Variants in DKK2 observed in about 807,000 individuals in gnomAD.
The protein encoded by DKK2 is dickkopf Wnt signaling pathway inhibitor 2.
A neutral mutation model predicts 28.1 loss-of-function variants in DKK2; 11 were observed. The ratio of observed to expected loss-of-function variants is 0.39; its 90% CI spans 0.25 to 0.65. The LOEUF (loss-of-function observed/expected upper bound fraction) is 0.65. Ranked by LOEUF, DKK2 falls within the 30% of genes least tolerant of loss-of-function variation. The pLI, the probability that DKK2 is intolerant of heterozygous loss-of-function variation, is 0.47. For missense variants in DKK2, 326 were observed against 335.5 expected (o/e 0.97, Z 0.22); for synonymous variants, 135 against 126.5 (o/e 1.07, Z -0.45).
intron 1 of DKK2, among the ~76,000 whole-genome samples, chr4:107,014,463 G>A (rs777742108): frequency 8.6e-5 from 13 of 151,478 alleles, no homozygotes; most frequent in Non-Finnish European, 1.2e-4. Flanking sequence ...ATAGACTACA[G>A]TAGTGTTTAC....
intron 1 of DKK2, among the ~76,000 whole-genome samples, chr4:107,025,662 G>C (rs1379242951): frequency 2.0e-5 from 3 of 152,110 alleles, no homozygotes; most frequent in African/African-American, 4.8e-5. Context: ...TTCCAGCCAG[G>C]CTTCTTGTTA....
chr4:106,944,198 A>C (rs1227420016), intron 1 of DKK2, among the ~76,000 whole-genome samples: 1 of 152,054 alleles, frequency 6.6e-6, no homozygotes, highest in Non-Finnish European at 1.5e-5. Flanking sequence ...CTAACAAGTA[A>C]AGTACATTTT....
chr4:107,002,504 A>G (rs547043085), intron 1 of DKK2, among the ~76,000 whole-genome samples: 17 of 152,194 alleles, frequency 1.1e-4, no homozygotes, highest in Non-Finnish European at 2.1e-4. Context: ...TCAAAACGTG[A>G]ATGGAAAATG....
intron 1 of DKK2, among the ~76,000 whole-genome samples, chr4:106,963,245 T>C (rs1299828437): frequency 2.0e-5 from 3 of 150,666 alleles, no homozygotes; most frequent in African/African-American, 7.3e-5. Context: ...CCCAGCTACT[T>C]GGGAGTCTGA....
At chr4:106,959,051 T>TACTC (rs151082525) in intron 1 of DKK2, among the ~76,000 whole-genome samples, 9,313 of 152,084 alleles carry the variant, frequency 0.061, 300 homozygotes, top group Non-Finnish European at 0.074. Flanking sequence ...AGATATTAAA[T>TACTC]ACATATGTGT....
At chr4:106,942,377 T>C (rs1172525084) in intron 1 of DKK2, among the ~76,000 whole-genome samples, 2 of 152,172 alleles carry the variant, frequency 1.3e-5, no homozygotes, top group Admixed American at 6.6e-5. Context: ...TTTAAGTCAC[T>C]TTCCCTCCAT....
chr4:107,030,682 A>G (rs1043449584), intron 1 of DKK2, among the ~76,000 whole-genome samples: 2 of 152,054 alleles, frequency 1.3e-5, no homozygotes, highest in Non-Finnish European at 2.9e-5. Flanking sequence ...TCAATACTAA[A>G]GAATAAACAG....
At chr4:106,981,097 T>C (rs1415643355) in intron 1 of DKK2, among the ~76,000 whole-genome samples, 1 of 152,118 alleles carries the variant, frequency 6.6e-6, no homozygotes, top group African/African-American at 2.4e-5. Context: ...ATTTAAAGCC[T>C]GTTTAAAGTG....
At chr4:106,936,566 C>A (rs1008315906) in intron 1 of DKK2, among the ~76,000 whole-genome samples, 5 of 152,130 alleles carry the variant, frequency 3.3e-5, no homozygotes, top group Admixed American at 6.5e-5. Context: ...AGGAGAACTT[C>A]CCCAATCTAG....
chr4:106,973,875 C>A (rs1464499151), intron 1 of DKK2, among the ~76,000 whole-genome samples: 1 of 152,122 alleles, frequency 6.6e-6, no homozygotes, highest in South Asian at 2.1e-4. Flanking sequence ...TTAGCTCTTA[C>A]ATTTAACTCT....
intron 1 of DKK2, among the ~76,000 whole-genome samples, chr4:107,004,657 C>G (rs1560590175): frequency 6.6e-6 from 1 of 152,128 alleles, no homozygotes; most frequent in Non-Finnish European, 1.5e-5. Context: ...AGATATCTAT[C>G]CTTGGAACCT....
chr4:106,932,095 A>G (rs1724511802), intron 1 of DKK2, among the ~76,000 whole-genome samples: 1 of 152,124 alleles, frequency 6.6e-6, no homozygotes, highest in Non-Finnish European at 1.5e-5. Flanking sequence ...GAGGATCTGG[A>G]CATTGATTTT....
rs1724482983 is a variant in DKK2 at position 106,930,210 on chromosome 4, AAAT to A, written c.223-4264_223-4262del. On this transcript the variant is annotated intron_variant, in intron 1 of 3. Coordinates refer to ENST00000285311, the MANE Select transcript of DKK2 (RefSeq NM_014421.3). The stretch of plus-strand genomic sequence containing the variant: ...AGTTGTAATCAAAAGTCCATAATGA[AAAT>A]AATGATAATTAAATAATATTCTAAT... Among the ~76,000 whole-genome samples, 3 of 152,202 alleles carry A rather than the reference AAAT, an allele frequency of 2.0e-5. No homozygotes were observed. The South Asian group carries it at 6.2e-4, about 31-fold the overall frequency.
chr4:106,992,497 G>C (rs530506841), intron 1 of DKK2, among the ~76,000 whole-genome samples: 1 of 152,252 alleles, frequency 6.6e-6, no homozygotes, highest in South Asian at 2.1e-4. Flanking sequence ...TCCTCAATTT[G>C]TGCTCTGTGA....
intron 1 of DKK2, among the ~76,000 whole-genome samples, chr4:106,969,119 T>C (rs918416146): frequency 5.3e-5 from 8 of 152,120 alleles, no homozygotes; most frequent in African/African-American, 1.4e-4. Context: ...TTTTTCTAAT[T>C]TAGGAATCAA....
intron 1 of DKK2, among the ~76,000 whole-genome samples, chr4:106,983,923 T>TATC (rs1173329332): frequency 2.6e-5 from 4 of 152,152 alleles, no homozygotes; most frequent in Non-Finnish European, 4.4e-5. Flanking sequence ...AGTACACACC[T>TATC]ATCAGAATGC....
chr4:106,962,198 C>T (rs1191321918), intron 1 of DKK2, among the ~76,000 whole-genome samples: 1 of 152,040 alleles, frequency 6.6e-6, no homozygotes, highest in African/African-American at 2.4e-5. Flanking sequence ...CAGATTCGTC[C>T]ATATTTCATT....
chr4:106,973,388 T>C (rs1460013134), intron 1 of DKK2, among the ~76,000 whole-genome samples: 2 of 152,308 alleles, frequency 1.3e-5, no homozygotes, highest in South Asian at 2.1e-4. Flanking sequence ...CCACATTCTC[T>C]CCAGCATCTG....
intron 1 of DKK2, among the ~76,000 whole-genome samples, chr4:106,981,226 A>T (rs944418533): frequency 2.7e-4 from 41 of 152,240 alleles, no homozygotes; most frequent in African/African-American, 8.9e-4. Context: ...AATTGAAGGA[A>T]AAAAAAGAAA....
Sources: gnomAD v4.1 joint callset for allele counts (sites outside exome capture counted in the v4.1 genomes callset) on GRCh38, gnomAD v4.1.1 for gene constraint, MANE v1.5 for transcripts, NCBI Gene and HGNC (gene_info 2026-07-23, HGNC 2026-07-21) for gene names.